CD109: variants seen among roughly 807,000 people sequenced by gnomAD.
CD109 encodes CD109 antigen.
Under a neutral mutation model 165.8 loss-of-function variants are expected in CD109, and 149 were observed. The ratio of observed to expected loss-of-function variants is 0.90; its 90% confidence interval spans 0.79 to 1.03. The LOEUF (loss-of-function observed/expected upper bound fraction) is 1.03, where lower values mean the gene tolerates loss of function less well. Among genes scored for constraint, CD109 ranks in the 50% least tolerant of loss-of-function variants. The pLI, the probability that CD109 is intolerant of heterozygous loss-of-function variation, is 0.00. For missense variants in CD109, 1,712 were observed against 1,677.8 expected, an observed-to-expected ratio of 1.02 and a Z score of -0.36; for synonymous variants, 585 against 592.1, an observed-to-expected ratio of 0.99 and a Z score of 0.18.
rs752824497 is a variant in CD109, at chr6:73,730,477, A to G, written c.410A>G (p.Lys137Arg). 6.2e-7 allele frequency: 1 copy of G among 1,614,006 alleles called. No individual in the cohort carries two copies. The highest frequency in any genetic ancestry group is 1.1e-5 in the South Asian group (1 of 91,080). ...KRISVFIQTDKALYKPKQEVK... is the reference protein window; with the variant it reads ...KRISVFIQTDRALYKPKQEVK... ...ATATCTGTCTTCATTCAAACAGACA[A>G]GGCCTTATACAAGCCAAAGCAAGAA... Residue 137 changes from lysine (K) to arginine (R), a missense_variant, in exon 4 of 33, where the codon AAG becomes AGG. By Grantham distance (26) the Lys-to-Arg change is conservative. Transcript: ENST00000287097.
In CD109 at chr6:73,756,678, A is replaced by T. The variant is rs1450370863; in HGVS notation, c.669A>T (p.Glu223Asp). ...QTYYQSFQVS[E>D]YVLPKFEVTL... The stretch of plus-strand genomic sequence containing the variant: ...ACTATCAATCATTTCAGGTTTCAGA[A>T]TATGGTAAGAGTTCCTCAATCTATT... Residue 223 changes from glutamate to aspartate, a missense_variant, in exon 6 of 33, where the codon GAA (glutamate) becomes GAT (aspartate). By Grantham distance (45) the Glu-to-Asp change is conservative. Transcript: ENST00000287097. 6 of 1,547,618 alleles carry T rather than the reference A, an allele frequency of 3.9e-6. No homozygotes were observed. The East Asian group carries it at 1.4e-4, about 37-fold the overall frequency.
intron 24 of CD109, among the ~76,000 whole-genome samples, chr6:73,805,450 C>T (rs1219818979): frequency 1.3e-5 from 2 of 152,236 alleles, no homozygotes; most frequent in Admixed American, 6.5e-5. Context: ...AACATACAAT[C>T]GGATTTTATA....
rs1335864893 is a variant in CD109, at chr6:73,697,402, C to T, written c.77C>T (p.Pro26Leu). ...CTAALAVAPG[P>L]RFLVTAPGII... ...TTCCCTTGTTGGGAACTCTTTAGGC[C>T]TCGGTTTCTGGTGACAGCCCCAGGG... Residue 26 changes from proline (P) to leucine (L), a missense_variant and splice_region_variant, in exon 2 of 33, where the codon CCT (proline) becomes CTT (leucine). By Grantham distance (98) the Pro-to-Leu change is moderately conservative (BLOSUM62 -3). Coordinates refer to ENST00000287097, the MANE Select transcript of CD109 (RefSeq NM_133493.5). 2 of 1,613,628 alleles carry T rather than the reference C, an allele frequency of 1.2e-6. No homozygotes were observed. The highest frequency in any genetic ancestry group is 1.7e-4 in the Middle Eastern group (1 of 5,926).
At chr6:73,721,613 C>T (rs1771952818) in intron 2 of CD109, among the ~76,000 whole-genome samples, 1 of 152,158 alleles carries the variant, frequency 6.6e-6, no homozygotes, top group African/African-American at 2.4e-5. Context: ...ATCCACCCGC[C>T]TCGGCCTCCC....
At chr6:73,682,465 G>A in the CD109 span, among the ~76,000 whole-genome samples, 22 of 152,198 alleles carry the variant, frequency 1.4e-4, no homozygotes, top group Non-Finnish European at 2.9e-4. Context: ...GGGCAGTTCC[G>A]CTCCTGTGGC....
rs1775439020 is a variant in CD109 at position 73,803,270 on chromosome 6, T to G, written c.2929T>G (p.Phe977Val). The G allele has an allele frequency of 6.2e-7, 1 of 1,610,866 alleles. No homozygotes were observed. Among genetic ancestry groups the G allele is most frequent in the African/African-American group, 1.3e-5 (1 of 74,810 alleles). ...GAGGGAAGATGGCTCTTTCAGTGCT[T>G]TTGGGAATTATGACCCTTCTGGGAG... is the stretch of plus-strand genomic sequence containing the variant. ...YQREDGSFSA[F>V]GNYDPSGSTW... Residue 977 changes from phenylalanine to valine, a missense_variant, in exon 24 of 33, where the codon TTT becomes GTT. Physicochemically the swap from Phe to Val is conservative, Grantham distance 50. Coordinates refer to ENST00000287097, the MANE Select transcript of CD109 (RefSeq NM_133493.5).
At chr6:73,738,768 C>G (rs1022939805) in intron 5 of CD109, among the ~76,000 whole-genome samples, 6 of 152,216 alleles carry the variant, frequency 3.9e-5, no homozygotes, top group African/African-American at 1.4e-4. Context: ...CTTTAGACAT[C>G]TTATGTCCCT....
intron 25 of CD109, 24 bp from the exon 26 acceptor site, chr6:73,808,059 A>G (rs1436127221): frequency 6.2e-7 from 1 of 1,608,452 alleles, no homozygotes; most frequent in Admixed American, 1.7e-5. Context: ...TGAATAGTAA[A>G]AAACATACTT....
rs1582218933 is a variant in CD109 at position 73,823,730 on chromosome 6, A to G, written c.*97A>G. ...AGAATACTGCTTCTATTTTGAAAAAAGAGTTTTTTTTCTTTCTATGGGGTT... is the reference window on the plus strand; with the variant it reads ...AGAATACTGCTTCTATTTTGAAAAAGGAGTTTTTTTTCTTTCTATGGGGTT... On this transcript the variant is annotated 3_prime_UTR_variant, in exon 33 of 33. Coordinates refer to ENST00000287097, the MANE Select transcript of CD109 (RefSeq NM_133493.5). 8.1e-7 allele frequency: 1 copy of G among 1,236,368 alleles called. No individual in the cohort carries two copies. The highest frequency in any genetic ancestry group is 1.1e-6 in the Non-Finnish European group (1 of 891,178). 76.6% of individuals were successfully genotyped at this position (1,236,368 alleles called of 1,614,324 possible).
intron 2 of CD109, among the ~76,000 whole-genome samples, chr6:73,700,323 C>T (rs1286852552): frequency 1.3e-5 from 2 of 151,662 alleles, no homozygotes; most frequent in Admixed American, 1.3e-4. Context: ...TGGGCTCAAG[C>T]GATCTTCCTG....
intron 23 of CD109, among the ~76,000 whole-genome samples, chr6:73,794,886 G>C (rs1376500433): frequency 6.6e-6 from 1 of 151,688 alleles, no homozygotes; most frequent in Non-Finnish European, 1.5e-5. Flanking sequence ...TTTGTGGATT[G>C]GTCGTGTTTT....
At chr6:73,778,659 A>AT (rs1374965889) in intron 15 of CD109, among the ~76,000 whole-genome samples, 2 of 151,760 alleles carry the variant, frequency 1.3e-5, no homozygotes, top group Non-Finnish European at 2.9e-5. Flanking sequence ...CACATTATGA[A>AT]TTTTTTTTCT....
In CD109 at chr6:73,824,933, C is replaced by G. The variant is rs557117343; in HGVS notation, c.*1300C>G. On this transcript the variant is annotated 3_prime_UTR_variant, in exon 33 of 33. Coordinates refer to ENST00000287097, the MANE Select transcript of CD109 (RefSeq NM_133493.5). The stretch of plus-strand genomic sequence containing the variant: ...ATCTAAGAAATGGTTTAGTTTTTCT[C>G]TTTAGCTCTATGGCATTTCACTCAA... 7.9e-5 allele frequency: 12 copies of G among 152,134 alleles called. No individual in the cohort carries two copies. In the South Asian group the frequency reaches 2.5e-3, roughly 32 times the overall value. 9.4% of individuals were successfully genotyped at this position (152,134 alleles called of 1,614,324 possible).
chr6:73,729,576 G>A (rs536352956), intron 3 of CD109, among the ~76,000 whole-genome samples: 1 of 151,564 alleles, frequency 6.6e-6, no homozygotes, highest in South Asian at 2.1e-4. Context: ...CTGGAGTGCA[G>A]TGGCACGATC....
intron 2 of CD109, among the ~76,000 whole-genome samples, chr6:73,712,762 C>T (rs902554946): frequency 6.6e-6 from 1 of 152,196 alleles, no homozygotes; most frequent in Non-Finnish European, 1.5e-5. Flanking sequence ...GTTGCTTAAG[C>T]AGCCCTGGGA....
chr6:73,815,842 CT>C (rs1554184784), intron 30 of CD109, among the ~76,000 whole-genome samples: 1 of 152,118 alleles, frequency 6.6e-6, no homozygotes, highest in South Asian at 2.1e-4. Flanking sequence ...AGAGGCTTCA[CT>C]TTTTTTTCTT....
chr6:73,683,784 C>T, the CD109 span, among the ~76,000 whole-genome samples: 1 of 152,204 alleles, frequency 6.6e-6, no homozygotes, highest in African/African-American at 2.4e-5. Context: ...TCACATCTTA[C>T]ATGGATGGCA....
chr6:73,789,107 C>G (rs1201976804), intron 22 of CD109, among the ~76,000 whole-genome samples: 1 of 152,176 alleles, frequency 6.6e-6, no homozygotes, highest in Non-Finnish European at 1.5e-5. Flanking sequence ...GTCAGAATCA[C>G]TTGGGCTATG....
In CD109 at chr6:73,827,901, A is replaced by G. The variant is rs755634838; in HGVS notation, c.*4268A>G. On this transcript the variant is annotated 3_prime_UTR_variant, in exon 33 of 33. Transcript: ENST00000287097. ...TCTATCTTATGTTGTCTTGAGGCCA[A>G]GATTTACCACGTTTGCCCAGTGTAT... 5 of 154,632 alleles carry G rather than the reference A, an allele frequency of 3.2e-5. No homozygotes were observed. Among genetic ancestry groups the G allele is most frequent in the Non-Finnish European group, 7.3e-5 (5 of 68,204 alleles). 9.6% of individuals were successfully genotyped at this position (154,632 alleles called of 1,614,324 possible). A position where few individuals can be genotyped will look rare whatever the true frequency, so the allele number is the denominator to read the frequency against.
Sources: allele counts gnomAD v4.1 joint callset (sites outside exome capture counted in the v4.1 genomes callset), GRCh38; gene constraint gnomAD v4.1.1; transcripts MANE v1.5; gene names NCBI Gene and HGNC (gene_info 2026-07-23, HGNC 2026-07-21).